Variants in JAKMIP2 observed in about 807,000 individuals in gnomAD.
The protein encoded by JAKMIP2 is janus kinase and microtubule interacting protein 2.
A neutral mutation model predicts 115.0 loss-of-function variants in JAKMIP2; 25 were observed. That is an observed-to-expected ratio of 0.22 (90% CI 0.16 to 0.30). The LOEUF is 0.30. Ranked by LOEUF, JAKMIP2 falls within the 10% of genes least tolerant of loss-of-function variation. The probability of loss-of-function intolerance (pLI) is 1.00; values close to 1 mark genes in which losing one functional copy is unlikely to be tolerated. For missense variants in JAKMIP2, 642 were observed against 957.6 expected, an observed-to-expected ratio of 0.67 and a Z score of 4.35; for synonymous variants, 334 against 343.6, an observed-to-expected ratio of 0.97 and a Z score of 0.31.
intron 1 of JAKMIP2, among the ~76,000 whole-genome samples, chr5:147,686,087 A>G (rs903996142): frequency 1.3e-5 from 2 of 152,194 alleles, no homozygotes; most frequent in African/African-American, 4.8e-5. Context: ...TAATGCAAAC[A>G]TAGGGACCTT....
At chr5:147,765,047 A>C (rs913274904) in intron 1 of JAKMIP2, among the ~76,000 whole-genome samples, 3 of 144,934 alleles carry the variant, frequency 2.1e-5, no homozygotes, top group African/African-American at 7.7e-5. Flanking sequence ...AAAGAAAGAG[A>C]GAAGAGAGAA....
intron 4 of JAKMIP2, among the ~76,000 whole-genome samples, chr5:147,648,999 A>G (rs17107055): frequency 0.073 from 11,091 of 152,214 alleles, 603 homozygotes; most frequent in East Asian, 0.22. Flanking sequence ...TTCATGTATA[A>G]AGGTCAGTAG....
chr5:147,685,326 G>A (rs1442516884), intron 1 of JAKMIP2, among the ~76,000 whole-genome samples: 1 of 152,198 alleles, frequency 6.6e-6, no homozygotes, highest in African/African-American at 2.4e-5. Flanking sequence ...AATGAACTCA[G>A]TAAGATCAAA....
At chr5:147,724,116 C>T (rs2126951458) in intron 1 of JAKMIP2, among the ~76,000 whole-genome samples, 1 of 152,268 alleles carries the variant, frequency 6.6e-6, no homozygotes, top group African/African-American at 2.4e-5. Flanking sequence ...TTACATAATT[C>T]TTTTATTAAT....
intron 1 of JAKMIP2, among the ~76,000 whole-genome samples, chr5:147,782,160 C>T (rs980308705): frequency 2.0e-5 from 3 of 152,174 alleles, no homozygotes; most frequent in African/African-American, 7.2e-5. Flanking sequence ...CTTTTTCCAA[C>T]CCCTGATGCT....
At chr5:147,710,637 T>G (rs1234287381) in intron 1 of JAKMIP2, among the ~76,000 whole-genome samples, 1 of 152,196 alleles carries the variant, frequency 6.6e-6, no homozygotes, top group African/African-American at 2.4e-5. Flanking sequence ...ATAATATATG[T>G]GAAAGCAGTT....
At position 147,587,869 on chromosome 5, in the gene JAKMIP2, C is replaced by T. The variant is rs925068809; in HGVS notation, c.*3838G>A. On this transcript the variant is annotated 3_prime_UTR_variant, in exon 22 of 22. Transcript: ENST00000616793. ...CATTTGCTCTCTACCTAAGTGATAACCCAGGCCTTCTATATCAGCTCTACC... is the reference window on the plus strand; with the variant it reads ...CATTTGCTCTCTACCTAAGTGATAATCCAGGCCTTCTATATCAGCTCTACC... The T allele has an allele frequency of 1.3e-5, 2 of 151,868 alleles. No individual in the cohort carries two copies. Among genetic ancestry groups the T allele is most frequent in the African/African-American group, 4.8e-5 (2 of 41,318 alleles). The allele number at this position is 151,868 out of a possible 1,614,324, so 9.4% of individuals were successfully genotyped here.
At chr5:147,763,137 T>A (rs957862247) in intron 1 of JAKMIP2, among the ~76,000 whole-genome samples, 1 of 152,100 alleles carries the variant, frequency 6.6e-6, no homozygotes, top group East Asian at 1.9e-4. Context: ...GGCAGCCAGT[T>A]TGTTCACTCC....
chr5:147,656,344 A>G (rs1758670864), intron 3 of JAKMIP2, among the ~76,000 whole-genome samples: 1 of 152,132 alleles, frequency 6.6e-6, no homozygotes, highest in Non-Finnish European at 1.5e-5. Flanking sequence ...GGTCTCTAAG[A>G]ACTTGTTTTA....
intron 1 of JAKMIP2, among the ~76,000 whole-genome samples, chr5:147,737,793 A>G (rs1444403057): frequency 3.3e-5 from 5 of 152,226 alleles, no homozygotes; most frequent in Admixed American, 1.3e-4. Context: ...ATGGAAATTT[A>G]ATATATAGTT....
chr5:147,678,148 C>T (rs1309327616), intron 1 of JAKMIP2, among the ~76,000 whole-genome samples: 1 of 152,148 alleles, frequency 6.6e-6, no homozygotes, highest in Non-Finnish European at 1.5e-5. Context: ...GGATTACAGG[C>T]ATGCGCCACC....
intron 4 of JAKMIP2, among the ~76,000 whole-genome samples, chr5:147,649,752 T>C (rs1238378939): frequency 2.0e-5 from 3 of 152,164 alleles, no homozygotes; most frequent in African/African-American, 7.2e-5. Context: ...ATTTCCATTA[T>C]TATAGCAGCA....
intron 18 of JAKMIP2, among the ~76,000 whole-genome samples, chr5:147,619,966 C>A (rs1756770694): frequency 6.6e-6 from 1 of 152,170 alleles, no homozygotes; most frequent in South Asian, 2.1e-4. Flanking sequence ...AAACATTAAA[C>A]ACATTATTCC....
At chr5:147,697,296 GA>G (rs1752144287) in intron 1 of JAKMIP2, among the ~76,000 whole-genome samples, 1 of 152,142 alleles carries the variant, frequency 6.6e-6, no homozygotes, top group Non-Finnish European at 1.5e-5. Context: ...CAGATCTCAT[GA>G]GACTTATTCA....
At chr5:147,683,870 C>G (rs1306685359) in intron 1 of JAKMIP2, among the ~76,000 whole-genome samples, 1 of 152,110 alleles carries the variant, frequency 6.6e-6, no homozygotes, top group African/African-American at 2.4e-5. Context: ...GATAAAATAG[C>G]TTTCGGATAT....
intron 5 of JAKMIP2, 57 bp from the exon 6 acceptor site, chr5:147,645,053 G>A: frequency 6.4e-7 from 1 of 1,567,750 alleles, no homozygotes; most frequent in Non-Finnish European, 8.7e-7. Context: ...GGGGGCAGGG[G>A]AGTAAAGTGG....
chr5:147,594,273 C>T (rs1445882718), intron 21 of JAKMIP2: 1 of 267,804 alleles, frequency 3.7e-6, no homozygotes, highest in Non-Finnish European at 8.1e-6. Context: ...AATTTAGTTT[C>T]CTCATCTGTG....
intron 1 of JAKMIP2, among the ~76,000 whole-genome samples, chr5:147,717,529 T>C (rs1331278157): frequency 7.3e-6 from 1 of 136,304 alleles, no homozygotes; most frequent in Non-Finnish European, 1.6e-5. Flanking sequence ...CATTGAGCAG[T>C]GGTTTGTAGT....
chr5:147,757,694 C>T (rs1006738642), intron 1 of JAKMIP2, among the ~76,000 whole-genome samples: 14 of 152,068 alleles, frequency 9.2e-5, no homozygotes, highest in Admixed American at 7.2e-4. Context: ...TGCGTGTGGA[C>T]ATTTAGCACA....
Sources: allele counts gnomAD v4.1 joint callset (sites outside exome capture counted in the v4.1 genomes callset), GRCh38; gene constraint gnomAD v4.1.1; transcripts MANE v1.5; gene names NCBI Gene and HGNC (gene_info 2026-07-23, HGNC 2026-07-21).